The following CCDC80 variants were observed in gnomAD, a reference collection of about 807,000 sequenced individuals.
CCDC80 encodes the protein coiled-coil domain containing 80.
A neutral mutation model predicts 78.7 loss-of-function variants in CCDC80; 49 were observed. The observed-to-expected ratio is 0.62, with a 90% CI of 0.50 to 0.79. CCDC80 has a LOEUF of 0.79. Among genes scored for constraint, CCDC80 ranks in the 30% least tolerant of loss-of-function variants. The pLI is 0.00. For missense variants in CCDC80, 1,205 were observed against 1,198.6 expected (o/e 1.01, Z -0.08); for synonymous variants, 488 against 447.0 (o/e 1.09, Z -1.16).
chr3:112,600,894 A>G lies in CCDC80; in HGVS notation c.*4523T>C, dbSNP rs1935362294. The G allele has an allele frequency of 6.6e-6, 1 of 152,154 alleles. No homozygotes were observed. The highest frequency in any genetic ancestry group is 1.5e-5 in the Non-Finnish European group (1 of 68,026). 9.4% of individuals were successfully genotyped at this position (152,154 alleles called of 1,614,324 possible). The stretch of plus-strand genomic sequence containing the variant: ...CACACAATTTCAGAAAGGTAAAGAA[A>G]TCCATTTTTATTGGCAACTTTGGGC... On this transcript the variant is annotated 3_prime_UTR_variant, in exon 8 of 8. Transcript: ENST00000206423.
rs1370818709 is a variant in CCDC80, at chr3:112,599,703, T to C, written c.*5714A>G. On this transcript the variant is annotated 3_prime_UTR_variant, in exon 8 of 8. Coordinates refer to ENST00000206423, the MANE Select transcript of CCDC80 (RefSeq NM_199511.3). ...TCCAGGCTTCTAGAAGTTGAGAAAG[T>C]ATGAGCTTCATTGTTAATTATATTA... 2.0e-5 allele frequency: 3 copies of C among 152,242 alleles called. No individual in the cohort carries two copies. Among genetic ancestry groups the C allele is most frequent in the Non-Finnish European group, 2.9e-5 (2 of 68,080 alleles). 9.4% of individuals were successfully genotyped at this position (152,242 alleles called of 1,614,324 possible).
At position 112,598,673 on chromosome 3, in the gene CCDC80, A is replaced by G. The variant is rs945878706; in HGVS notation, c.*6744T>C. 9 of 152,238 alleles carry G rather than the reference A, an allele frequency of 5.9e-5. No homozygotes were observed. The highest frequency in any genetic ancestry group is 7.3e-5 in the Non-Finnish European group (5 of 68,090). The allele number at this position is 152,238 out of a possible 1,614,324, so 9.4% of individuals were successfully genotyped here. A position where few individuals can be genotyped will look rare whatever the true frequency, so the allele number is the denominator to read the frequency against. On this transcript the variant is annotated 3_prime_UTR_variant, in exon 8 of 8. Coordinates refer to ENST00000206423, the MANE Select transcript of CCDC80 (RefSeq NM_199511.3). ...GCTCAGGGGCTGCCCAGTTTGTCCAAGCTTTAGGATATTAGAGAGATTACG... is the reference window on the plus strand; with the variant it reads ...GCTCAGGGGCTGCCCAGTTTGTCCAGGCTTTAGGATATTAGAGAGATTACG...
chr3:112,621,657 G>A (rs1935871234), intron 3 of CCDC80, among the ~76,000 whole-genome samples: 1 of 152,188 alleles, frequency 6.6e-6, no homozygotes, highest in South Asian at 2.1e-4. Flanking sequence ...GGAAACTGTA[G>A]TGGACACTGT....
At chr3:112,616,917 G>C in intron 4 of CCDC80, 59 bp from the exon 5 acceptor site, 2 of 1,523,880 alleles carry the variant, frequency 1.3e-6, no homozygotes, top group Non-Finnish European at 1.8e-6. Flanking sequence ...TCTCTATTCA[G>C]AGGATAGAGA....
intron 6 of CCDC80, among the ~76,000 whole-genome samples, chr3:112,608,636 G>T (rs948595973): frequency 1.5e-4 from 23 of 152,116 alleles, no homozygotes; most frequent in African/African-American, 5.3e-4. Flanking sequence ...TATTTTTCTT[G>T]TAAAGGTTCT....
At chr3:112,610,194 A>G in intron 5 of CCDC80, 113 bp from the exon 6 acceptor site, 1 of 836,604 alleles carries the variant, frequency 1.2e-6, no homozygotes, top group Non-Finnish European at 2.0e-6. Flanking sequence ...CAGAAAAAAA[A>G]AAAGAAAAAA....
chr3:112,639,219 C>T lies in CCDC80; in HGVS notation c.687G>A (p.Glu229=), dbSNP rs1047630941. Reference sequence around the variant, plus strand: ...GCAGCACCATGCCAAACTTGCCCTTCTCCAGCTTCAGGAAGCTCATCAGCT... The same window carrying T: ...GCAGCACCATGCCAAACTTGCCCTTTTCCAGCTTCAGGAAGCTCATCAGCT... ...IPKLMSFLKL[E]KGKFGMVLLK... is the part of the protein sequence containing the mutation. Residue 229 remains glutamate (E), a synonymous_variant, in exon 2 of 8, where the codon GAG becomes GAA. Coordinates refer to ENST00000206423, the MANE Select transcript of CCDC80 (RefSeq NM_199511.3). 1 of 1,614,212 alleles carries T rather than the reference C, an allele frequency of 6.2e-7. No homozygotes were observed. The highest frequency in any genetic ancestry group is 1.7e-5 in the Admixed American group (1 of 60,030).
intron 3 of CCDC80, among the ~76,000 whole-genome samples, chr3:112,624,117 G>T (rs760781902): frequency 6.6e-6 from 1 of 152,094 alleles, no homozygotes; most frequent in Non-Finnish European, 1.5e-5. Context: ...TATAGATAAG[G>T]TGAGTGATTC....
chr3:112,632,614 T>C (rs545309339), intron 2 of CCDC80, among the ~76,000 whole-genome samples: 1 of 152,204 alleles, frequency 6.6e-6, no homozygotes, highest in Non-Finnish European at 1.5e-5. Context: ...TATCAGACAG[T>C]ATGTAATCAC....
chr3:112,633,204 A>C (rs563002689), intron 2 of CCDC80, among the ~76,000 whole-genome samples: 2 of 152,246 alleles, frequency 1.3e-5, no homozygotes, highest in South Asian at 4.1e-4. Flanking sequence ...ATTCTTAATA[A>C]ATAAATATGT....
Position 112,619,021 on chromosome 3 carries a change from T to C in CCDC80, c.2119A>G (p.Met707Val). ...LISELRKEYG[M>V]TYNDFFMVLT... ...ACCATGAAGAAGTCATTGTAGGTCA[T>C]TCCGTACTCTTTCCTCAGCTCGCTG... Residue 707 changes from methionine (M) to valine (V), a missense_variant, in exon 4 of 8, where the codon ATG (methionine) becomes GTG (valine). Coordinates refer to ENST00000206423, the MANE Select transcript of CCDC80 (RefSeq NM_199511.3). 1.2e-6 allele frequency: 2 copies of C among 1,613,240 alleles called. No individual in the cohort carries two copies. Among genetic ancestry groups the C allele is most frequent in the African/African-American group, 2.7e-5 (2 of 74,998 alleles).
In CCDC80 at chr3:112,630,319, C is replaced by A. The variant is rs747569613; in HGVS notation, c.1879-50G>T. The A allele has an allele frequency of 3.8e-6, 6 of 1,568,428 alleles. No individual in the cohort carries two copies. In the East Asian group the frequency reaches 1.3e-4, roughly 35 times the overall value. Reference sequence around the variant, plus strand: ...ATACTCATTTATAGTGATAGTTTCACACTGAAGCAAAACCCAAAGAGATGA... The same window carrying A: ...ATACTCATTTATAGTGATAGTTTCAAACTGAAGCAAAACCCAAAGAGATGA... On this transcript the variant is annotated intron_variant, in intron 2 of 7. Coordinates refer to ENST00000206423, the MANE Select transcript of CCDC80 (RefSeq NM_199511.3).
rs182641605 is a variant in CCDC80 at position 112,604,200 on chromosome 3, G to A, written c.*1217C>T. ...AAATTTCATTAATAAAGCAGCAACA[G>A]GGTTTGAGAGGATTGGCTCCAATTT... On this transcript the variant is annotated 3_prime_UTR_variant, in exon 8 of 8. Transcript: ENST00000206423. 3 of 152,352 alleles carry A rather than the reference G, an allele frequency of 2.0e-5. No individual in the cohort carries two copies. The highest frequency in any genetic ancestry group is 7.2e-5 in the African/African-American group (3 of 41,568). 9.4% of individuals were successfully genotyped at this position (152,352 alleles called of 1,614,324 possible).
At chr3:112,610,686 A>C (rs1935605194) in intron 5 of CCDC80, among the ~76,000 whole-genome samples, 1 of 140,958 alleles carries the variant, frequency 7.1e-6, no homozygotes, top group Admixed American at 6.7e-5. Flanking sequence ...TCTAAAATGT[A>C]CCCTATTATT....
chr3:112,632,699 C>A (rs112631464), intron 2 of CCDC80, among the ~76,000 whole-genome samples: 2 of 152,116 alleles, frequency 1.3e-5, no homozygotes, highest in African/African-American at 4.8e-5. Flanking sequence ...GCCATGGATA[C>A]CCAGTGGGAA....
intron 6 of CCDC80, among the ~76,000 whole-genome samples, chr3:112,607,841 CTAGT>C (rs1935546314): frequency 1.3e-5 from 2 of 152,164 alleles, no homozygotes; most frequent in South Asian, 2.1e-4. Context: ...CTGATCTAAG[CTAGT>C]TAGTGTTCTG....
chr3:112,623,790 G>A (rs994256999), intron 3 of CCDC80, among the ~76,000 whole-genome samples: 2 of 151,824 alleles, frequency 1.3e-5, no homozygotes, highest in African/African-American at 2.4e-5. Context: ...CTCTAGAAAT[G>A]TGCCCTCTCT....
In CCDC80 at chr3:112,639,387, G is replaced by A. The variant is rs1209081864; in HGVS notation, c.519C>T (p.Asp173=). The A allele has an allele frequency of 1.9e-6, 3 of 1,614,112 alleles. No homozygotes were observed. The highest frequency in any genetic ancestry group is 2.5e-6 in the Non-Finnish European group (3 of 1,180,038). Reference sequence around the variant, plus strand: ...TCTCCGCCAGCTCACAGTACACATCGTCCTTCAGCAGGCTCATCATGAGGC... The same window carrying A: ...TCTCCGCCAGCTCACAGTACACATCATCCTTCAGCAGGCTCATCATGAGGC... ...YYRLMMSLLK[D]DVYCELAERH... The change falls in exon 2 of 8, where the codon GAC becomes GAT. Residue 173 remains aspartate, a synonymous_variant. Transcript: ENST00000206423.
At chr3:112,622,549 A>G (rs1484511358) in intron 3 of CCDC80, among the ~76,000 whole-genome samples, 1 of 152,230 alleles carries the variant, frequency 6.6e-6, no homozygotes, top group East Asian at 1.9e-4. Context: ...TGGAAAAGCA[A>G]CATAGACTTG....
Sources: allele counts gnomAD v4.1 joint callset (sites outside exome capture counted in the v4.1 genomes callset), GRCh38; gene constraint gnomAD v4.1.1; transcripts MANE v1.5; gene names NCBI Gene and HGNC (gene_info 2026-07-23, HGNC 2026-07-21).